MIPOL1: variants seen among roughly 807,000 people sequenced by gnomAD.
The protein encoded by MIPOL1 is mirror-image polydactyly gene 1 protein.
In MIPOL1, 57 loss-of-function variants were observed where a neutral mutation model predicts 60.9. The observed-to-expected ratio is 0.94, with a 90% CI of 0.76 to 1.17. The LOEUF (loss-of-function observed/expected upper bound fraction) is 1.17, where lower values mean the gene tolerates loss of function less well. Among genes scored for constraint, MIPOL1 ranks in the 50% most tolerant of loss-of-function variants. MIPOL1 has a pLI of 0.00. For synonymous variants in MIPOL1, 179 were observed against 168.8 expected (o/e 1.06, Z -0.47); for missense variants, 551 against 511.6 (o/e 1.08, Z -0.74).
chr14:37,332,938 A>G (rs1484038692), intron 9 of MIPOL1, among the ~76,000 whole-genome samples: 2 of 152,266 alleles, frequency 1.3e-5, no homozygotes, highest in South Asian at 4.1e-4. Flanking sequence ...TGTGGAGATG[A>G]GTAGCATCCC....
intron 10 of MIPOL1, among the ~76,000 whole-genome samples, chr14:37,391,819 A>G (rs1190761565): frequency 6.6e-6 from 1 of 152,184 alleles, no homozygotes; most frequent in Non-Finnish European, 1.5e-5. Flanking sequence ...AAGGTATAGC[A>G]TTACTGGAGA....
intron 9 of MIPOL1, among the ~76,000 whole-genome samples, chr14:37,336,586 A>G (rs1349533880): frequency 2.0e-5 from 3 of 151,686 alleles, no homozygotes; most frequent in Non-Finnish European, 2.9e-5. Flanking sequence ...CCTGATGTCT[A>G]CTTTATCTGT....
rs547957014 is a variant in MIPOL1, at chr14:37,324,721, C to A, written c.828+16202C>A. On this transcript the variant is annotated intron_variant, in intron 9 of 12. Coordinates refer to ENST00000684589, the MANE Select transcript of MIPOL1 (RefSeq NM_001388067.1). Reference sequence around the variant, plus strand: ...CTGTGATTTATTTTGAGTTACTTATCATGTATGGTAAGATAAAGATTGAAG... The same window carrying A: ...CTGTGATTTATTTTGAGTTACTTATAATGTATGGTAAGATAAAGATTGAAG... 5.3e-5 allele frequency among the ~76,000 whole-genome samples: 8 copies of A among 152,134 alleles called. No individual in the cohort carries two copies. The East Asian group carries it at 1.2e-3, about 22-fold the overall frequency.
chr14:37,542,112 A>G (rs150511937), intron 12 of MIPOL1, among the ~76,000 whole-genome samples: 39 of 152,250 alleles, frequency 2.6e-4, no homozygotes, highest in African/African-American at 9.4e-4. Flanking sequence ...ATTGCACTCA[A>G]AAAAGGTTAT....
At chr14:37,313,822 G>A (rs2087601855) in intron 9 of MIPOL1, among the ~76,000 whole-genome samples, 1 of 152,154 alleles carries the variant, frequency 6.6e-6, no homozygotes, top group African/African-American at 2.4e-5. Flanking sequence ...ATGAAAAGGT[G>A]CATACAGGCT....
chr14:37,456,657 G>A (rs982529462), intron 11 of MIPOL1, among the ~76,000 whole-genome samples: 16 of 151,976 alleles, frequency 1.1e-4, no homozygotes, highest in Admixed American at 2.0e-4. Flanking sequence ...TGGCTTATGT[G>A]TGTTTATTAT....
intron 11 of MIPOL1, among the ~76,000 whole-genome samples, chr14:37,446,620 C>G (rs1431806954): frequency 6.6e-6 from 1 of 152,144 alleles, no homozygotes; most frequent in South Asian, 2.1e-4. Context: ...AAGACACATG[C>G]ACACGTATGT....
intron 11 of MIPOL1, among the ~76,000 whole-genome samples, chr14:37,480,378 T>G (rs1460667115): frequency 1.3e-5 from 2 of 152,136 alleles, no homozygotes; most frequent in East Asian, 3.8e-4. Context: ...ATTCTTGGGA[T>G]GCAAGGATGG....
chr14:37,469,638 A>G (rs2094651499), intron 11 of MIPOL1, among the ~76,000 whole-genome samples: 1 of 152,186 alleles, frequency 6.6e-6, no homozygotes, highest in South Asian at 2.1e-4. Context: ...TGGATTGGAA[A>G]TTATTGCCAC....
At chr14:37,409,306 A>G (rs2093642676) in intron 10 of MIPOL1, among the ~76,000 whole-genome samples, 1 of 152,232 alleles carries the variant, frequency 6.6e-6, no homozygotes, top group South Asian at 2.1e-4. Flanking sequence ...TATGTATGAA[A>G]TGCTTAAATG....
At chr14:37,377,058 T>G (rs2144581) in intron 10 of MIPOL1, among the ~76,000 whole-genome samples, 2 of 152,042 alleles carry the variant, frequency 1.3e-5, no homozygotes, top group African/African-American at 2.4e-5. Flanking sequence ...AATGTCTGCT[T>G]AACCACAGCA....
rs182992479 is a variant in MIPOL1 at position 37,295,050 on chromosome 14, G to A, written c.623+9603G>A. ...AAGGAAAAAATGTTCAGGGCAGCCA[G>A]AGAGAAAGGTTGGGTTACCCACAAA... On this transcript the variant is annotated intron_variant, in intron 7 of 12. Transcript: ENST00000684589. 3.0e-3 allele frequency among the ~76,000 whole-genome samples: 455 copies of A among 152,316 alleles called. 4 individuals carry two copies. The highest frequency in any genetic ancestry group is 1.8e-3 in the Non-Finnish European group (122 of 68,032).
At chr14:37,365,071 T>G (rs1441863034) in intron 9 of MIPOL1, among the ~76,000 whole-genome samples, 1 of 152,218 alleles carries the variant, frequency 6.6e-6, no homozygotes, top group Non-Finnish European at 1.5e-5. Flanking sequence ...GCAACCTTAC[T>G]GAATTTATCA....
chr14:37,523,329 A>G, intron 12 of MIPOL1: 1 of 314,310 alleles, frequency 3.2e-6, no homozygotes, highest in Non-Finnish European at 5.8e-6. Context: ...GGTTGTTTGT[A>G]TTTTTTAAAT....
intron 9 of MIPOL1, among the ~76,000 whole-genome samples, chr14:37,359,822 G>C (rs1018673705): frequency 6.6e-6 from 1 of 151,972 alleles, no homozygotes; most frequent in African/African-American, 2.4e-5. Flanking sequence ...TCTTTCTCTT[G>C]CCCGATTGCC....
At chr14:37,335,175 A>G (rs1450271991) in intron 9 of MIPOL1, among the ~76,000 whole-genome samples, 4 of 152,052 alleles carry the variant, frequency 2.6e-5, no homozygotes, top group Admixed American at 2.0e-4. Context: ...ACCTGTTACT[A>G]TCATTCTTTT....
intron 9 of MIPOL1, among the ~76,000 whole-genome samples, chr14:37,313,176 A>C (rs1247898540): frequency 6.6e-6 from 1 of 152,206 alleles, no homozygotes; most frequent in Non-Finnish European, 1.5e-5. Context: ...AATATTTATC[A>C]GTAATGTCCT....
At chr14:37,318,285 C>A (rs2088152968) in intron 9 of MIPOL1, among the ~76,000 whole-genome samples, 1 of 152,032 alleles carries the variant, frequency 6.6e-6, no homozygotes, top group Non-Finnish European at 1.5e-5. Context: ...AGCATAGTGT[C>A]TAGCATGTAA....
chr14:37,537,433 G>A (rs2095511259), intron 12 of MIPOL1, among the ~76,000 whole-genome samples: 1 of 152,010 alleles, frequency 6.6e-6, no homozygotes. Flanking sequence ...TATAATGATA[G>A]CTGAAATCTG....
Sources: gnomAD v4.1 joint callset for allele counts (sites outside exome capture counted in the v4.1 genomes callset) on GRCh38, gnomAD v4.1.1 for gene constraint, MANE v1.5 for transcripts, NCBI Gene and HGNC (gene_info 2026-07-23, HGNC 2026-07-21) for gene names.